Variants in DLG2 observed in about 807,000 individuals in gnomAD.
DLG2 encodes discs large MAGUK scaffold protein 2, also known as disks large homolog 2.
In DLG2, 45 loss-of-function variants were observed where a neutral mutation model predicts 132.5. The ratio of observed to expected loss-of-function variants is 0.34; its 90% confidence interval spans 0.27 to 0.44. The LOEUF is 0.44. DLG2 is among the 20% of genes least tolerant of loss of function. The pLI is 1.00. For missense variants in DLG2, 1,045 were observed against 1,196.9 expected (o/e 0.87, Z 1.87); for synonymous variants, 424 against 419.6 (o/e 1.01, Z -0.13).
chr11:84,799,681 T>C (rs2075127221), intron 6 of DLG2, among the ~76,000 whole-genome samples: 1 of 152,178 alleles, frequency 6.6e-6, no homozygotes, highest in Admixed American at 6.5e-5. Flanking sequence ...TCTCTTCTTC[T>C]TCATAATTTT....
intron 3 of DLG2, among the ~76,000 whole-genome samples, chr11:85,342,519 C>T (rs919068211): frequency 7.2e-5 from 11 of 152,192 alleles, no homozygotes; most frequent in East Asian, 3.9e-4. Context: ...CTGCCTGAGA[C>T]GGTTTTCCAG....
chr11:84,278,692 A>G (rs2097815353), intron 7 of DLG2, among the ~76,000 whole-genome samples: 1 of 152,228 alleles, frequency 6.6e-6, no homozygotes, highest in Non-Finnish European at 1.5e-5. Flanking sequence ...AAATGAACCA[A>G]TGAAATTTAT....
chr11:84,855,408 G>T (rs1326309644), intron 6 of DLG2, among the ~76,000 whole-genome samples: 1 of 152,022 alleles, frequency 6.6e-6, no homozygotes, highest in Non-Finnish European at 1.5e-5. Flanking sequence ...GAAATGCCTT[G>T]TTTCTTACTT....
At chr11:85,472,654 C>A (rs961152422) in intron 3 of DLG2, among the ~76,000 whole-genome samples, 3 of 152,186 alleles carry the variant, frequency 2.0e-5, no homozygotes, top group African/African-American at 4.8e-5. Flanking sequence ...CTTTGGTTAT[C>A]CTTGTAACCT....
intron 17 of DLG2, among the ~76,000 whole-genome samples, chr11:83,789,634 G>A (rs1381138552): frequency 1.3e-5 from 2 of 151,174 alleles, no homozygotes; most frequent in Non-Finnish European, 2.9e-5. Flanking sequence ...TGCAGCCTCC[G>A]CCTCCTGGGT....
intron 3 of DLG2, among the ~76,000 whole-genome samples, chr11:85,391,392 C>T (rs1004419190): frequency 6.6e-5 from 10 of 152,076 alleles, no homozygotes; most frequent in African/African-American, 2.4e-4. Context: ...CCCATTGGTA[C>T]TATTCCAAAA....
chr11:83,611,127 A>G (rs897612173), intron 19 of DLG2, among the ~76,000 whole-genome samples: 2 of 152,234 alleles, frequency 1.3e-5, no homozygotes, highest in African/African-American at 4.8e-5. Context: ...TGTCTAATCT[A>G]TGTTGCAGGC....
chr11:84,145,379 C>A (rs1159743452), intron 9 of DLG2, among the ~76,000 whole-genome samples: 10 of 152,126 alleles, frequency 6.6e-5, no homozygotes, highest in Admixed American at 6.5e-4. Flanking sequence ...TCTTAGGATA[C>A]AAACCAGTAC....
At chr11:85,350,224 C>T (rs1190637596) in intron 3 of DLG2, among the ~76,000 whole-genome samples, 2 of 152,200 alleles carry the variant, frequency 1.3e-5, no homozygotes, top group Non-Finnish European at 2.9e-5. Flanking sequence ...TGAGAAGTGT[C>T]TGTTCATATC....
Position 85,506,529 on chromosome 11 carries a change from G to T in DLG2, c.40+92128C>A, listed in dbSNP as rs557555513. On this transcript the variant is annotated intron_variant, in intron 3 of 27. Coordinates refer to ENST00000376104, the MANE Select transcript of DLG2 (RefSeq NM_001142699.3). ...GTTTCTGCCTAGTTGTGTGATTTTT[G>T]AGTAAGTTTCTTAATCCTGAGTTCT... Among the ~76,000 whole-genome samples, 3 of 150,952 alleles carry T rather than the reference G, an allele frequency of 2.0e-5. No individual in the cohort carries two copies. In the East Asian group the frequency reaches 5.9e-4, roughly 30 times the overall value.
At chr11:84,412,129 G>T (rs2154458573) in intron 7 of DLG2, among the ~76,000 whole-genome samples, 1 of 151,984 alleles carries the variant, frequency 6.6e-6, no homozygotes, top group South Asian at 2.1e-4. Context: ...TACTGATAAT[G>T]GCAATAGTGA....
intron 6 of DLG2, among the ~76,000 whole-genome samples, chr11:85,054,543 T>C (rs368212430): frequency 1.4e-4 from 22 of 152,144 alleles, no homozygotes; most frequent in Non-Finnish European, 2.9e-4. Flanking sequence ...AGAAAACAAA[T>C]TGTTCTACCA....
rs142253885 is a variant in DLG2, at chr11:84,238,943, G to C, written c.573+12295C>G. On this transcript the variant is annotated intron_variant, in intron 8 of 27. Coordinates refer to ENST00000376104, the MANE Select transcript of DLG2 (RefSeq NM_001142699.3). ...ATCTATGAGCAAGTTAAACTATAAA[G>C]AGCCAATAAATTGGGCAGCCCACTT... 4.5e-4 allele frequency among the ~76,000 whole-genome samples: 68 copies of C among 152,176 alleles called. 1 individual carries two copies. The highest frequency in any genetic ancestry group is 1.4e-3 in the African/African-American group (60 of 41,510).
At chr11:83,837,379 G>A (rs1471160208) in intron 16 of DLG2, among the ~76,000 whole-genome samples, 1 of 152,124 alleles carries the variant, frequency 6.6e-6, no homozygotes, top group Non-Finnish European at 1.5e-5. Flanking sequence ...TTGCTGCCAG[G>A]TGGGGATGGA....
At chr11:83,478,188 C>A (rs2092778159) in intron 22 of DLG2, among the ~76,000 whole-genome samples, 1 of 152,070 alleles carries the variant, frequency 6.6e-6, no homozygotes, top group Admixed American at 6.6e-5. Flanking sequence ...AATAAATAAA[C>A]ATTCCTCTGG....
intron 6 of DLG2, chr11:85,021,669 G>A: frequency 1.8e-6 from 2 of 1,101,982 alleles, no homozygotes; most frequent in Non-Finnish European, 2.8e-6. Context: ...TTGATGATAA[G>A]GTTTCTCACA....
At chr11:85,552,012 A>C (rs2076692487) in intron 3 of DLG2, among the ~76,000 whole-genome samples, 1 of 151,436 alleles carries the variant, frequency 6.6e-6, no homozygotes, top group Non-Finnish European at 1.5e-5. Flanking sequence ...TTTAATGGTA[A>C]GCAGGAACTG....
chr11:85,132,925 AG>A (rs1248815837), intron 5 of DLG2: 2 of 433,730 alleles, frequency 4.6e-6, no homozygotes, highest in Admixed American at 2.5e-5. Context: ...GGCTTTTCCA[AG>A]GGGGCCCCTC....
At chr11:84,502,249 TCCTTCCTTCCTTCCTTCCTTCCTTCCTTC>T (rs1567804452) in intron 7 of DLG2, among the ~76,000 whole-genome samples, 1 of 48,442 alleles carries the variant, frequency 2.1e-5, no homozygotes, top group Non-Finnish European at 3.6e-5. Context: ...CTTCCTTCCT[TCCTTCCTTCCTTCCTTCCTTCCTTCCTTC>T]CTTCTTTCTT....
Sources: gnomAD v4.1 joint callset for allele counts (sites outside exome capture counted in the v4.1 genomes callset) on GRCh38, gnomAD v4.1.1 for gene constraint, MANE v1.5 for transcripts, NCBI Gene and HGNC (gene_info 2026-07-23, HGNC 2026-07-21) for gene names.